STK10: variants seen among roughly 807,000 people sequenced by gnomAD.
The protein encoded by STK10 is serine/threonine kinase 10.
STK10 carries 78 observed loss-of-function variants against 113.8 expected under a neutral mutation model. That is an observed-to-expected ratio of 0.69 (90% CI 0.57 to 0.83). The LOEUF (loss-of-function observed/expected upper bound fraction) is 0.83, where lower values mean the gene tolerates loss of function less well. Among genes scored for constraint, STK10 ranks in the 40% least tolerant of loss-of-function variants. STK10 has a pLI of 0.00. For synonymous variants in STK10, 465 were observed against 494.7 expected (o/e 0.94, Z 0.80); for missense variants, 1,109 against 1,280.1 (o/e 0.87, Z 2.04).
chr5:172,089,087 T>C (rs1768631635), intron 10 of STK10, among the ~76,000 whole-genome samples: 1 of 152,082 alleles, frequency 6.6e-6, no homozygotes, highest in Non-Finnish European at 1.5e-5. Flanking sequence ...CCTCTCTCCC[T>C]CCACCAGTCC....
chr5:172,048,916 C>G (rs1205531426), intron 18 of STK10, among the ~76,000 whole-genome samples: 1 of 152,046 alleles, frequency 6.6e-6, no homozygotes, highest in African/African-American at 2.4e-5. Context: ...GTTTCACGAG[C>G]AAGGTGTCCG....
chr5:172,162,695 C>G (rs1770494996), intron 1 of STK10, among the ~76,000 whole-genome samples: 1 of 152,178 alleles, frequency 6.6e-6, no homozygotes, highest in Non-Finnish European at 1.5e-5. Context: ...GGCCAGTGAC[C>G]AAGGCAACCA....
intron 12 of STK10, among the ~76,000 whole-genome samples, chr5:172,078,495 A>C (rs1314537978): frequency 1.3e-5 from 2 of 151,640 alleles, no homozygotes; most frequent in African/African-American, 4.8e-5. Context: ...TTCCTACAAA[A>C]ATTTTTTTAA....
At chr5:172,130,148 G>T (rs1561818916) in intron 2 of STK10, among the ~76,000 whole-genome samples, 1 of 152,076 alleles carries the variant, frequency 6.6e-6, no homozygotes. Context: ...GTATGGCCTT[G>T]GACAACCGCC....
chr5:172,091,316 G>A (rs1481480999), intron 9 of STK10, among the ~76,000 whole-genome samples: 1 of 152,234 alleles, frequency 6.6e-6, no homozygotes. Flanking sequence ...CACCTGCTAG[G>A]AGTCACCATG....
Position 172,044,804 on chromosome 5 carries a change from C to G in STK10, c.*78G>C. ...ACAGACGCAAGAGGGAAAAGGGGTC[C>G]TGAGTTACATGTTCACAGAGAATGA... On this transcript the variant is annotated 3_prime_UTR_variant, in exon 19 of 19. Coordinates refer to ENST00000176763, the MANE Select transcript of STK10 (RefSeq NM_005990.4). This position sits in a 1 kb window ranked among gnomAD's most constrained non-coding sequence, Gnocchi z 4.5. 1 of 1,608,884 alleles carries G rather than the reference C, an allele frequency of 6.2e-7. No individual in the cohort carries two copies. The highest frequency in any genetic ancestry group is 8.5e-7 in the Non-Finnish European group (1 of 1,177,994).
In STK10 at chr5:172,044,857, T is replaced by C. The variant is rs201411519; in HGVS notation, c.*25A>G. The C allele has an allele frequency of 4.2e-4, 674 of 1,614,028 alleles. 2 individuals are homozygous for C. In the African/African-American group the frequency reaches 8.0e-3, roughly 19 times the overall value. ...GAGAAGGCCCTGGGGCCCACCAAGCTGCCAGCCACAGCCCCGGGCGGTTGT... is the reference window on the plus strand; with the variant it reads ...GAGAAGGCCCTGGGGCCCACCAAGCCGCCAGCCACAGCCCCGGGCGGTTGT... On this transcript the variant is annotated 3_prime_UTR_variant, in exon 19 of 19. Coordinates refer to ENST00000176763, the MANE Select transcript of STK10 (RefSeq NM_005990.4). The surrounding 1 kb of genome is among the most constrained non-coding windows in gnomAD (Gnocchi z 4.5).
chr5:172,103,821 G>C (rs1769044700), intron 7 of STK10, among the ~76,000 whole-genome samples: 1 of 152,122 alleles, frequency 6.6e-6, no homozygotes, highest in South Asian at 2.1e-4. Context: ...TAAGAGTTAA[G>C]CTAAGCGCTT....
chr5:172,064,477 T>A, intron 13 of STK10: 1 of 558,864 alleles, frequency 1.8e-6, no homozygotes, highest in Non-Finnish European at 3.2e-6. Flanking sequence ...GTTTGGGAGG[T>A]GGTCAATGTA....
At chr5:172,141,207 T>C (rs1202592007) in intron 2 of STK10, among the ~76,000 whole-genome samples, 2 of 150,560 alleles carry the variant, frequency 1.3e-5, no homozygotes, top group South Asian at 2.1e-4. Flanking sequence ...GCTATAGCTA[T>C]GGTCTGCACA....
chr5:172,073,793 C>CAAAAAAAAA (rs60492751), intron 12 of STK10, among the ~76,000 whole-genome samples: 4 of 58,442 alleles, frequency 6.8e-5, no homozygotes, highest in African/African-American at 1.1e-4. Context: ...CTAAAAATAG[C>CAAAAAAAAA]AAAAAAAAAA....
Position 172,120,144 on chromosome 5 carries a change from G to A in STK10, c.371-2514C>T, listed in dbSNP as rs1769479535. Among the ~76,000 whole-genome samples, 1 of 152,126 alleles carries A rather than the reference G, an allele frequency of 6.6e-6. No individual in the cohort carries two copies. The highest frequency in any genetic ancestry group is 1.5e-5 in the Non-Finnish European group (1 of 68,022). On this transcript the variant is annotated intron_variant, in intron 3 of 18. Coordinates refer to ENST00000176763, the MANE Select transcript of STK10 (RefSeq NM_005990.4). The surrounding 1 kb of genome is among the most constrained non-coding windows in gnomAD (Gnocchi z 4.0). ...TGATTGAGTCAACGTAGCTACCCAA[G>A]ACCCCTGTGACCAGGGGAGCCACCT...
chr5:172,173,682 C>T (rs60503580), intron 1 of STK10, among the ~76,000 whole-genome samples: 6,045 of 152,280 alleles, frequency 0.04, 367 homozygotes, highest in African/African-American at 0.13. Context: ...GAACGCTTTA[C>T]ATCCCTCCAC....
Position 172,125,146 on chromosome 5 carries a change from G to A in STK10, c.370+2227C>T, listed in dbSNP as rs141748406. The stretch of plus-strand genomic sequence containing the variant: ...ATAGGGATGTCCTTTTGGTACATCC[G>A]CATTTGTGGAAGATAAACTTTCTCC... On this transcript the variant is annotated intron_variant, in intron 3 of 18. Coordinates refer to ENST00000176763, the MANE Select transcript of STK10 (RefSeq NM_005990.4). Among the ~76,000 whole-genome samples, 23 of 152,266 alleles carry A rather than the reference G, an allele frequency of 1.5e-4. No individual in the cohort carries two copies. In the East Asian group the frequency reaches 2.7e-3, roughly 18 times the overall value.
intron 2 of STK10, among the ~76,000 whole-genome samples, chr5:172,150,602 C>T (rs1770202792): frequency 6.6e-6 from 1 of 152,122 alleles, no homozygotes. Flanking sequence ...CCGGGTGTCA[C>T]ATTCTCTTTA....
At chr5:172,117,179 T>C in intron 4 of STK10, among the ~76,000 whole-genome samples, 1 of 151,556 alleles carries the variant, frequency 6.6e-6, no homozygotes. Context: ...CTTGGGAGGC[T>C]GAAACACAAG....
At chr5:172,080,349 A>G (rs759095510) in intron 12 of STK10, among the ~76,000 whole-genome samples, 9 of 152,226 alleles carry the variant, frequency 5.9e-5, no homozygotes, top group Non-Finnish European at 1.5e-5. Flanking sequence ...CTAAGTGTTC[A>G]CGTGAAAGCA....
chr5:172,160,787 C>A (rs775474457), intron 1 of STK10, among the ~76,000 whole-genome samples: 4 of 152,190 alleles, frequency 2.6e-5, no homozygotes, highest in Non-Finnish European at 5.9e-5. Flanking sequence ...CCCCATTCCA[C>A]AGACGGACGT....
At chr5:172,149,462 C>G (rs1296341068) in intron 2 of STK10, among the ~76,000 whole-genome samples, 1 of 152,048 alleles carries the variant, frequency 6.6e-6, no homozygotes, top group African/African-American at 2.4e-5. Flanking sequence ...GCTGCAAAGC[C>G]TGTGCAGACT....
Sources: allele counts gnomAD v4.1 joint callset (sites outside exome capture counted in the v4.1 genomes callset), GRCh38; gene constraint gnomAD v4.1.1; non-coding constraint Gnocchi (gnomAD v3.1); transcripts MANE v1.5; gene names NCBI Gene and HGNC (gene_info 2026-07-23, HGNC 2026-07-21).